OCA2: variants seen among roughly 807,000 people sequenced by gnomAD.
OCA2 encodes the protein P protein.
In OCA2, 77 loss-of-function variants were observed where a neutral mutation model predicts 100.2. The ratio of observed to expected loss-of-function variants is 0.77; its 90% CI spans 0.64 to 0.93. The LOEUF (loss-of-function observed/expected upper bound fraction) is 0.93, where lower values mean the gene tolerates loss of function less well. Among genes scored for constraint, OCA2 ranks in the 40% least tolerant of loss-of-function variants. The pLI is 0.00. For synonymous variants in OCA2, 432 were observed against 439.2 expected (o/e 0.98, Z 0.21); for missense variants, 1,062 against 1,089.1 (o/e 0.98, Z 0.35).
rs535099315 is a variant in OCA2, at chr15:27,777,066, G to A, written c.2433-21594C>T. On this transcript the variant is annotated intron_variant, in intron 23 of 23. Coordinates refer to ENST00000354638, the MANE Select transcript of OCA2 (RefSeq NM_000275.3). ...GGAGCTTTGTCCACACATCCCCATC[G>A]GCGCCCAGCCTTTCTGCTCCACACC... is the stretch of plus-strand genomic sequence containing the variant. 7.2e-5 allele frequency among the ~76,000 whole-genome samples: 11 copies of A among 151,994 alleles called. No homozygotes were observed. The South Asian group carries it at 8.3e-4, about 11-fold the overall frequency.
chr15:28,017,070 C>CG (rs201278926), intron 7 of OCA2, among the ~76,000 whole-genome samples: 32 of 54,388 alleles, frequency 5.9e-4, no homozygotes, highest in Non-Finnish European at 6.4e-4. Context: ...GAGCGGGGGG[C>CG]GGGGGGGGAC....
At chr15:28,018,320 C>T (rs1344687855) in intron 7 of OCA2, 77 bp downstream of exon 7, 1 of 1,435,574 alleles carries the variant, frequency 7.0e-7, no homozygotes, top group Non-Finnish European at 9.8e-7. Context: ...CCATCAAATC[C>T]ATTCAAGAGG....
chr15:28,000,499 T>G (rs1183126792), intron 9 of OCA2, among the ~76,000 whole-genome samples: 1 of 152,204 alleles, frequency 6.6e-6, no homozygotes, highest in Non-Finnish European at 1.5e-5. Flanking sequence ...GACTTGAAAC[T>G]GTAAAACTTC....
At position 27,985,025 on chromosome 15, in the gene OCA2, AC is replaced by A. The variant is rs754863253; in HGVS notation, c.1364+38del. 24 of 1,612,596 alleles carry A rather than the reference AC, an allele frequency of 1.5e-5. No individual in the cohort carries two copies. In the South Asian group the frequency reaches 2.5e-4, roughly 17 times the overall value. The stretch of plus-strand genomic sequence containing the variant: ...GCAGGCAGAGCCCCTGCCTGCCAGA[AC>A]CTGGCCGCAACTCCCACGGCAGAGG... On this transcript the variant is annotated intron_variant, in intron 13 of 23. Transcript: ENST00000354638.
At chr15:27,993,892 G>A (rs1021341910) in intron 9 of OCA2, among the ~76,000 whole-genome samples, 1 of 152,026 alleles carries the variant, frequency 6.6e-6, no homozygotes, top group African/African-American at 2.4e-5. Flanking sequence ...TCTAGGATGT[G>A]GAATAAAACT....
intron 19 of OCA2, among the ~76,000 whole-genome samples, chr15:27,891,895 C>CA (rs1020744028): frequency 1.7e-4 from 25 of 151,312 alleles, no homozygotes; most frequent in African/African-American, 4.8e-4. Context: ...ATGTTACACA[C>CA]AAAAAAAATC....
chr15:27,875,518 G>A (rs531461343), intron 19 of OCA2, among the ~76,000 whole-genome samples: 1 of 152,050 alleles, frequency 6.6e-6, no homozygotes, highest in Admixed American at 6.5e-5. Context: ...CATAAATTGT[G>A]TAATTAGCTT....
At chr15:27,985,308 G>C (rs2041316409) in intron 12 of OCA2, 120 bp from the exon 13 acceptor site, 3 of 1,205,790 alleles carry the variant, frequency 2.5e-6, no homozygotes, top group Admixed American at 2.0e-5. Flanking sequence ...CATGGGTTAA[G>C]ACATAGACCC....
chr15:27,740,436 G>C, the OCA2 span, among the ~76,000 whole-genome samples: 1 of 152,118 alleles, frequency 6.6e-6, no homozygotes, highest in South Asian at 2.1e-4. Flanking sequence ...GTCAGGGAAG[G>C]ACATCAAAGC....
intron 9 of OCA2, among the ~76,000 whole-genome samples, chr15:28,010,040 T>C (rs1237453772): frequency 6.6e-6 from 1 of 151,686 alleles, no homozygotes; most frequent in African/African-American, 2.4e-5. Flanking sequence ...GCAAGTCTAG[T>C]CCAATATTCT....
At chr15:27,955,292 G>C (rs374202045) in intron 16 of OCA2, 77 bp from the exon 17 acceptor site, 14 of 1,077,818 alleles carry the variant, frequency 1.3e-5, no homozygotes, top group Non-Finnish European at 1.9e-5. Flanking sequence ...AGTCCCCAGC[G>C]CTTCGTGCCT....
chr15:27,850,134 T>C (rs2035692432), intron 22 of OCA2, among the ~76,000 whole-genome samples: 1 of 152,198 alleles, frequency 6.6e-6, no homozygotes, highest in African/African-American at 2.4e-5. Flanking sequence ...CTACATGTTT[T>C]GGGGAAATCC....
intron 23 of OCA2, among the ~76,000 whole-genome samples, chr15:27,804,768 C>T (rs1377241672): frequency 6.6e-6 from 1 of 152,174 alleles, no homozygotes; most frequent in African/African-American, 2.4e-5. Context: ...CAGGAAAGAC[C>T]AGACAGCTAC....
chr15:27,735,295 C>A, the OCA2 span, among the ~76,000 whole-genome samples: 1 of 151,762 alleles, frequency 6.6e-6, no homozygotes, highest in African/African-American at 2.4e-5. Context: ...GAAGACAAGT[C>A]ATTTGAAAAT....
At chr15:27,923,904 T>C (rs2038954397) in intron 19 of OCA2, among the ~76,000 whole-genome samples, 1 of 152,206 alleles carries the variant, frequency 6.6e-6, no homozygotes, top group Admixed American at 6.5e-5. Context: ...TTGCAATTGC[T>C]TTTGGCACCT....
intron 23 of OCA2, among the ~76,000 whole-genome samples, chr15:27,831,984 G>A (rs554274522): frequency 2.8e-4 from 42 of 151,032 alleles, no homozygotes; most frequent in African/African-American, 9.5e-4. Flanking sequence ...GTGCTCAGGC[G>A]CCTTCTCTCC....
chr15:27,994,145 G>A (rs2041646012), intron 9 of OCA2, among the ~76,000 whole-genome samples: 2 of 152,150 alleles, frequency 1.3e-5, no homozygotes, highest in South Asian at 4.2e-4. Context: ...GAGGTGAGCT[G>A]GGCAAGTGAA....
At chr15:28,069,371 T>A (rs2044128124) in intron 2 of OCA2, among the ~76,000 whole-genome samples, 1 of 8,498 alleles carries the variant, frequency 1.2e-4, no homozygotes, top group African/African-American at 1.4e-3. Flanking sequence ...TCCCTCTCCC[T>A]CTCCCTCTCC....
chr15:27,796,879 A>G (rs1271157202), intron 23 of OCA2, among the ~76,000 whole-genome samples: 1 of 151,990 alleles, frequency 6.6e-6, no homozygotes, highest in South Asian at 2.1e-4. Flanking sequence ...TGTCCCTCCA[A>G]TCACAAGCCC....
Sources: gnomAD v4.1 joint callset for allele counts (sites outside exome capture counted in the v4.1 genomes callset) on GRCh38, gnomAD v4.1.1 for gene constraint, MANE v1.5 for transcripts, NCBI Gene and HGNC (gene_info 2026-07-23, HGNC 2026-07-21) for gene names.